The following NCALD variants were observed in gnomAD, a reference collection of about 807,000 sequenced individuals.
NCALD encodes neurocalcin delta.
Under a neutral mutation model 18.6 loss-of-function variants are expected in NCALD, and 10 were observed. That is an observed-to-expected ratio of 0.54 (90% confidence interval 0.33 to 0.91). NCALD has a LOEUF of 0.91. NCALD is among the 40% of genes least tolerant of loss of function. The pLI, the probability that NCALD is intolerant of heterozygous loss-of-function variation, is 0.03. For missense variants in NCALD, 184 were observed against 247.6 expected (o/e 0.74, Z 1.72); for synonymous variants, 88 against 87.4 (o/e 1.01, Z -0.04).
At chr8:101,908,047 G>GCT (rs1162655296) in intron 3 of NCALD, among the ~76,000 whole-genome samples, 2 of 152,178 alleles carry the variant, frequency 1.3e-5, no homozygotes, top group African/African-American at 4.8e-5. Context: ...CAGGCAGAGT[G>GCT]TGAGAGATCA....
At chr8:102,064,435 T>G (rs934863586) in intron 1 of NCALD, among the ~76,000 whole-genome samples, 1 of 152,194 alleles carries the variant, frequency 6.6e-6, no homozygotes, top group Non-Finnish European at 1.5e-5. Flanking sequence ...GGAGAATGAA[T>G]GGATGGCTCC....
chr8:101,905,688 G>C (rs1482170345), intron 3 of NCALD, among the ~76,000 whole-genome samples: 1 of 152,124 alleles, frequency 6.6e-6, no homozygotes, highest in African/African-American at 2.4e-5. Context: ...CCTCGATAAA[G>C]GAAGCTTCTG....
intron 3 of NCALD, among the ~76,000 whole-genome samples, chr8:101,902,243 C>T (rs984475343): frequency 1.3e-5 from 2 of 149,816 alleles, no homozygotes; most frequent in East Asian, 1.9e-4. Flanking sequence ...CCTCTGTCCA[C>T]TCCATTCTCA....
intron 4 of NCALD, among the ~76,000 whole-genome samples, chr8:101,836,729 C>T (rs2131270591): frequency 6.6e-6 from 1 of 152,332 alleles, no homozygotes; most frequent in South Asian, 2.1e-4. Context: ...GAAGTCTGTG[C>T]ATTCCTCAGT....
intron 2 of NCALD, among the ~76,000 whole-genome samples, chr8:101,997,453 G>A (rs1821279395): frequency 1.3e-5 from 2 of 152,086 alleles, no homozygotes; most frequent in Admixed American, 1.3e-4. Context: ...AGAAAAGGTT[G>A]GGTTAAATAA....
chr8:101,883,964 T>A (rs1022668554), intron 4 of NCALD, among the ~76,000 whole-genome samples: 1 of 152,208 alleles, frequency 6.6e-6, no homozygotes, highest in Non-Finnish European at 1.5e-5. Context: ...ACCACAGGAC[T>A]CATTTCCTGT....
intron 2 of NCALD, among the ~76,000 whole-genome samples, chr8:101,978,725 C>G (rs1190316614): frequency 6.6e-6 from 1 of 152,146 alleles, no homozygotes; most frequent in Non-Finnish European, 1.5e-5. Flanking sequence ...GACTGCTTGT[C>G]TTATTCACCA....
chr8:101,763,437 G>C (rs978322637), intron 1 of NCALD, among the ~76,000 whole-genome samples: 1 of 152,154 alleles, frequency 6.6e-6, no homozygotes, highest in Non-Finnish European at 1.5e-5. Context: ...GGTGACGTTG[G>C]TAACCAATGA....
At chr8:101,699,079 G>GA (rs138888779) in intron 2 of NCALD, among the ~76,000 whole-genome samples, 139,326 of 148,258 alleles carry the variant, frequency 0.94, 65,552 homozygotes, top group South Asian at 0.98. Context: ...AATTTTACAG[G>GA]AAAAAAAAAA....
intron 1 of NCALD, among the ~76,000 whole-genome samples, chr8:101,740,591 A>G (rs1407477534): frequency 2.6e-5 from 4 of 152,200 alleles, no homozygotes; most frequent in East Asian, 1.9e-4. Flanking sequence ...CTGTTTAGCT[A>G]TTTACTATCT....
intron 2 of NCALD, among the ~76,000 whole-genome samples, chr8:101,983,512 T>C (rs560734782): frequency 6.6e-6 from 1 of 152,342 alleles, no homozygotes; most frequent in South Asian, 2.1e-4. Context: ...GAGAAACTTA[T>C]GTTAAATTCA....
chr8:101,953,278 G>A (rs570310594), intron 2 of NCALD, among the ~76,000 whole-genome samples: 4 of 152,288 alleles, frequency 2.6e-5, no homozygotes, highest in African/African-American at 9.6e-5. Flanking sequence ...CATTGCTGGT[G>A]CTTCCCAACT....
chr8:101,736,853 G>A (rs1203225964), intron 1 of NCALD, among the ~76,000 whole-genome samples: 2 of 152,142 alleles, frequency 1.3e-5, no homozygotes, highest in Admixed American at 6.5e-5. Context: ...CCCAGGCTCT[G>A]GCTGGACAAG....
intron 4 of NCALD, among the ~76,000 whole-genome samples, chr8:101,870,858 CA>C (rs1213598445): frequency 1.4e-5 from 2 of 145,332 alleles, no homozygotes; most frequent in Admixed American, 1.4e-4. Context: ...CAAAAAGGTT[CA>C]AAAAGGGTTC....
At chr8:101,932,243 G>A (rs891788322) in intron 2 of NCALD, among the ~76,000 whole-genome samples, 1 of 152,172 alleles carries the variant, frequency 6.6e-6, no homozygotes, top group African/African-American at 2.4e-5. Context: ...CAGCCAGGCA[G>A]CAGAGGAGTA....
At chr8:101,845,219 G>GT (rs1431577475) in intron 4 of NCALD, among the ~76,000 whole-genome samples, 2 of 152,326 alleles carry the variant, frequency 1.3e-5, no homozygotes, top group East Asian at 3.9e-4. Flanking sequence ...GAACTAAAGA[G>GT]TGAGCCCAGT....
At chr8:101,793,513 C>T (rs1356015882), upstream of NCALD, among the ~76,000 whole-genome samples, 1 of 152,092 alleles carries the variant, frequency 6.6e-6, no homozygotes, top group Non-Finnish European at 1.5e-5. Context: ...TTTAGAATTT[C>T]CTCTTAGAGT....
intron 2 of NCALD, among the ~76,000 whole-genome samples, chr8:101,696,555 C>T (rs1815002321): frequency 6.6e-6 from 1 of 152,082 alleles, no homozygotes; most frequent in South Asian, 2.1e-4. Context: ...AGTGTGGGGG[C>T]GTTCAGTACA....
At chr8:101,830,644 T>G (rs7829693) in intron 4 of NCALD, among the ~76,000 whole-genome samples, 104,474 of 152,034 alleles carry the variant, frequency 0.69, 36,597 homozygotes, top group Middle Eastern at 0.78. Flanking sequence ...GAAGAGCATA[T>G]AGGAATAACA....
Sources: gnomAD v4.1 joint callset for allele counts (sites outside exome capture counted in the v4.1 genomes callset) on GRCh38, gnomAD v4.1.1 for gene constraint, MANE v1.5 for transcripts, NCBI Gene and HGNC (gene_info 2026-07-23, HGNC 2026-07-21) for gene names.